The following LALBA variants were observed in gnomAD, a reference collection of about 807,000 sequenced individuals.
LALBA encodes alpha-lactalbumin.
LALBA carries 12 observed loss-of-function variants against 13.4 expected under a neutral mutation model. The observed-to-expected ratio is 0.89, with a 90% CI of 0.57 to 1.45. The LOEUF (loss-of-function observed/expected upper bound fraction) is 1.45. LALBA is among the 40% of genes most tolerant of loss of function. The pLI, the probability that LALBA is intolerant of heterozygous loss-of-function variation, is 0.00. For missense variants in LALBA, 145 were observed against 165.9 expected, an observed-to-expected ratio of 0.87 and a Z score of 0.69; for synonymous variants, 64 against 61.0, an observed-to-expected ratio of 1.05 and a Z score of -0.23.
chr12:48,569,775 A>G, intron 1 of LALBA, 113 bp downstream of exon 1: 1 of 948,856 alleles, frequency 1.1e-6, no homozygotes, highest in Non-Finnish European at 1.6e-6. Flanking sequence ...AAATGAGCAG[A>G]AAAGAGGATG....
chr12:48,568,141 G>A, intron 3 of LALBA, 124 bp from the exon 4 acceptor site: 1 of 756,990 alleles, frequency 1.3e-6, no homozygotes, highest in South Asian at 1.6e-5. Context: ...CTGATGTCAA[G>A]CGACACAAGC....
rs1938586461 is a variant in LALBA at position 48,567,856 on chromosome 12, G to A, written c.*101C>T. 9.9e-7 allele frequency: 1 copy of A among 1,011,214 alleles called. No homozygotes were observed. Among genetic ancestry groups the A allele is most frequent in the Non-Finnish European group, 1.5e-6 (1 of 657,748 alleles). The allele number at this position is 1,011,214 out of a possible 1,614,324, so 62.6% of individuals were successfully genotyped here. The stretch of plus-strand genomic sequence containing the variant: ...CTACAGGGCCCAAGGCTCAGAGACA[G>A]ATAAGCTTTGGGGGAACAGAAAGAA... On this transcript the variant is annotated 3_prime_UTR_variant, in exon 4 of 4. Transcript: ENST00000301046.
chr12:48,571,376 C>A (rs895989081), upstream of LALBA, among the ~76,000 whole-genome samples: 2 of 74,002 alleles, frequency 2.7e-5, no homozygotes, highest in African/African-American at 5.6e-5. Flanking sequence ...CTGATTTCTT[C>A]TTCTTCTTCC....
intron 3 of LALBA, chr12:48,568,273 A>G (rs1434887646): frequency 3.3e-6 from 2 of 603,562 alleles, no homozygotes; most frequent in Non-Finnish European, 5.9e-6. Context: ...TAGATGTCCA[A>G]GTCTAAGTGA....
intron 1 of LALBA, 68 bp from the exon 2 acceptor site, chr12:48,569,308 T>C: frequency 7.3e-7 from 1 of 1,369,806 alleles, no homozygotes; most frequent in Non-Finnish European, 1.0e-6. Context: ...GAACTGTAAT[T>C]CTCAGACAAA....
At chr12:48,568,962 C>A in intron 2 of LALBA, 120 bp downstream of exon 2, 1 of 882,266 alleles carries the variant, frequency 1.1e-6, no homozygotes, top group Non-Finnish European at 1.7e-6. Context: ...TCAAGTCCCA[C>A]AATTTTTATA....
At chr12:48,570,312 T>C (rs1473731411), upstream of LALBA, among the ~76,000 whole-genome samples, 2 of 152,192 alleles carry the variant, frequency 1.3e-5, no homozygotes, top group Non-Finnish European at 2.9e-5. Flanking sequence ...CCTTTGTTTC[T>C]TGTAGGGTTG....
intron 1 of LALBA, 23 bp from the exon 2 acceptor site, chr12:48,569,263 A>G: frequency 6.3e-7 from 1 of 1,595,690 alleles, no homozygotes; most frequent in Non-Finnish European, 8.6e-7. Flanking sequence ...TGAGAAAGAG[A>G]TACCACAGAG....
upstream of LALBA, among the ~76,000 whole-genome samples, chr12:48,570,578 T>C (rs976026584): frequency 2.0e-5 from 3 of 152,120 alleles, no homozygotes; most frequent in African/African-American, 7.2e-5. Context: ...AGCTCATGAC[T>C]GAAGGCTCAG....
At chr12:48,571,386 C>CTTTTTTTTTTTT (rs60444004), upstream of LALBA, among the ~76,000 whole-genome samples, 16 of 98,030 alleles carry the variant, frequency 1.6e-4, 2 homozygotes, top group Admixed American at 2.9e-4. Context: ...CTTCTTCTTC[C>CTTTTTTTTTTTT]TTTTTTTTTT....
At chr12:48,568,467 G>A in intron 3 of LALBA, 50 bp downstream of exon 3, 6 of 1,031,838 alleles carry the variant, frequency 5.8e-6, no homozygotes, top group Non-Finnish European at 6.1e-6. Context: ...CTGGGCTAAT[G>A]GGGTAAGGAG....
chr12:48,568,039 AAGGT>A (rs1938588883), intron 3 of LALBA, 22 bp from the exon 4 acceptor site: 1 of 1,568,982 alleles, frequency 6.4e-7, no homozygotes, highest in Non-Finnish European at 8.7e-7. Context: ...GAAGGGGGAC[AAGGT>A]GAGTTAGCTG....
At chr12:48,568,049 A>G in intron 3 of LALBA, 32 bp from the exon 4 acceptor site, 1 of 1,524,662 alleles carries the variant, frequency 6.6e-7, no homozygotes, top group Non-Finnish European at 9.0e-7. Context: ...AAGGTGAGTT[A>G]GCTGACTGAA....
At chr12:48,570,137 A>G (rs575067905), upstream of LALBA, 379 of 1,131,934 alleles carry the variant, frequency 3.3e-4, 1 homozygote, top group South Asian at 5.2e-3. Context: ...GAGAATGAAG[A>G]GAGACTGGTC....
chr12:48,569,081 C>T lies in LALBA; in HGVS notation c.292+1G>A, dbSNP rs1295096548. On this transcript the variant is annotated splice_donor_variant, in intron 2 of 3. Coordinates refer to ENST00000301046, the MANE Select transcript of LALBA (RefSeq NM_002289.3). LOFTEE classifies it high-confidence loss of function. ...GAAAGAGGGTTATAGGGGCTACTCA[C>T]TGTCACAGGAGATGTCACAGATGTT... 1.9e-6 allele frequency: 3 copies of T among 1,607,680 alleles called. No individual in the cohort carries two copies. Among genetic ancestry groups the T allele is most frequent in the Non-Finnish European group, 2.5e-6 (3 of 1,178,424 alleles).
intron 2 of LALBA, 56 bp from the exon 3 acceptor site, chr12:48,568,648 G>A (rs1592225129): frequency 9.5e-7 from 1 of 1,055,116 alleles, no homozygotes; most frequent in East Asian, 2.4e-5. Flanking sequence ...ACCCAGAAAG[G>A]CACTGAGTTC....
chr12:48,569,273 G>C (rs1938603714), intron 1 of LALBA, 33 bp from the exon 2 acceptor site: 1 of 1,565,004 alleles, frequency 6.4e-7, no homozygotes, highest in Admixed American at 1.7e-5. Context: ...ATACCACAGA[G>C]ATGTACAGGA....
intron 1 of LALBA, 119 bp from the exon 2 acceptor site, chr12:48,569,359 G>A: frequency 8.5e-6 from 7 of 820,194 alleles, no homozygotes; most frequent in Admixed American, 2.8e-5. Context: ...AAAGCTCAGA[G>A]TTTCTTGATG....
intron 1 of LALBA, 53 bp from the exon 2 acceptor site, chr12:48,569,293 A>C: frequency 6.9e-7 from 1 of 1,453,354 alleles, no homozygotes; most frequent in Non-Finnish European, 9.4e-7. Flanking sequence ...ATCTGCATAA[A>C]GGAGGAACTG....
Sources: allele counts gnomAD v4.1 joint callset (sites outside exome capture counted in the v4.1 genomes callset), GRCh38; gene constraint gnomAD v4.1.1; transcripts MANE v1.5; gene names NCBI Gene and HGNC (gene_info 2026-07-23, HGNC 2026-07-21).